Variants in RNLS observed in about 807,000 individuals in gnomAD.
RNLS encodes the protein renalase, FAD dependent amine oxidase, also known as renalase.
Under a neutral mutation model 39.8 loss-of-function variants are expected in RNLS, and 39 were observed. The observed-to-expected ratio is 0.98, with a 90% CI of 0.76 to 1.28. The LOEUF (loss-of-function observed/expected upper bound fraction) is 1.28. Among genes scored for constraint, RNLS ranks in the 50% most tolerant of loss-of-function variants. RNLS has a pLI of 0.00. For missense variants in RNLS, 410 were observed against 413.3 expected, an observed-to-expected ratio of 0.99 and a Z score of 0.07; for synonymous variants, 147 against 150.7, an observed-to-expected ratio of 0.98 and a Z score of 0.18.
At chr10:88,371,837 G>T (rs1000128225) in intron 4 of RNLS, among the ~76,000 whole-genome samples, 3 of 152,020 alleles carry the variant, frequency 2.0e-5, no homozygotes, top group Non-Finnish European at 2.9e-5. Flanking sequence ...GGTAAATTCC[G>T]CCTAGTTATG....
At chr10:88,495,897 G>A (rs1488810536) in intron 4 of RNLS, among the ~76,000 whole-genome samples, 1 of 152,112 alleles carries the variant, frequency 6.6e-6, no homozygotes, top group East Asian at 1.9e-4. Context: ...TCGGCTTCAA[G>A]TGGGAATTTT....
chr10:88,268,226 T>C, the RNLS span, among the ~76,000 whole-genome samples: 2 of 152,182 alleles, frequency 1.3e-5, no homozygotes, highest in East Asian at 1.9e-4. Context: ...GGGTGGACTA[T>C]CTTGTGTTAG....
chr10:88,366,297 C>T (rs550921297), intron 4 of RNLS, among the ~76,000 whole-genome samples: 23 of 151,962 alleles, frequency 1.5e-4, no homozygotes, highest in Non-Finnish European at 2.6e-4. Context: ...ACATGGCATG[C>T]CTTCTGTCTT....
chr10:88,502,676 G>A (rs1845573448), intron 4 of RNLS, among the ~76,000 whole-genome samples: 1 of 152,112 alleles, frequency 6.6e-6, no homozygotes, highest in Non-Finnish European at 1.5e-5. Flanking sequence ...ATTGGGCACT[G>A]GGACATTTTA....
the RNLS span, among the ~76,000 whole-genome samples, chr10:88,268,835 T>C: frequency 2.0e-5 from 3 of 152,222 alleles, no homozygotes; most frequent in Non-Finnish European, 4.4e-5. Flanking sequence ...ACAGAATGAA[T>C]TTATTTCAAG....
intron 3 of RNLS, among the ~76,000 whole-genome samples, chr10:88,575,159 T>TATATATATATATAC (rs1386414416): frequency 2.3e-5 from 1 of 43,388 alleles, no homozygotes; most frequent in Admixed American, 3.2e-4. Context: ...TATATATATA[T>TATATATATATATAC]ACACACACAC....
At chr10:88,247,197 T>C in the RNLS span, among the ~76,000 whole-genome samples, 1 of 152,172 alleles carries the variant, frequency 6.6e-6, no homozygotes, top group South Asian at 2.1e-4. Context: ...CAGGGCATTT[T>C]ATTCTGAGAA....
chr10:88,553,736 A>G (rs898741438), intron 4 of RNLS, among the ~76,000 whole-genome samples: 1 of 152,164 alleles, frequency 6.6e-6, no homozygotes, highest in African/African-American at 2.4e-5. Flanking sequence ...ATTGTACCAC[A>G]TAGAAGCCTG....
At position 88,454,231 on chromosome 10, in the gene RNLS, T is replaced by G. The variant is rs946992096; in HGVS notation, c.527-91506A>C. On this transcript the variant is annotated intron_variant, in intron 4 of 6. Transcript: ENST00000331772. Reference sequence around the variant, plus strand: ...GAAAGATGTATTCAACAGAGTCAAATAACAAATTGAGTATCAAATAAAACA... The same window carrying G: ...GAAAGATGTATTCAACAGAGTCAAAGAACAAATTGAGTATCAAATAAAACA... 9.9e-5 allele frequency among the ~76,000 whole-genome samples: 15 copies of G among 152,176 alleles called. 1 individual carries two copies. Among genetic ancestry groups the G allele is most frequent in the Non-Finnish European group, 1.8e-4 (12 of 68,040 alleles).
At chr10:88,508,841 T>A in intron 4 of RNLS, among the ~76,000 whole-genome samples, 1 of 152,124 alleles carries the variant, frequency 6.6e-6, no homozygotes, top group East Asian at 1.9e-4. Context: ...GCACCAATAA[T>A]GTCAAATATT....
chr10:88,501,048 C>T (rs967183116), intron 4 of RNLS, among the ~76,000 whole-genome samples: 5 of 150,758 alleles, frequency 3.3e-5, no homozygotes, highest in African/African-American at 1.2e-4. Flanking sequence ...TATATATGTA[C>T]ACTAAACACC....
intron 4 of RNLS, among the ~76,000 whole-genome samples, chr10:88,538,825 T>C (rs561298091): frequency 2.0e-5 from 3 of 152,052 alleles, no homozygotes; most frequent in Non-Finnish European, 4.4e-5. Flanking sequence ...AGTTATAACA[T>C]CTACTTGATG....
the RNLS span, among the ~76,000 whole-genome samples, chr10:88,176,745 C>T: frequency 1.3e-5 from 2 of 151,690 alleles, no homozygotes; most frequent in Non-Finnish European, 2.9e-5. Context: ...AGATATTGTT[C>T]TTTTGCTTCC....
At chr10:88,513,438 GA>G (rs1846248101) in intron 4 of RNLS, among the ~76,000 whole-genome samples, 1 of 152,020 alleles carries the variant, frequency 6.6e-6, no homozygotes, top group South Asian at 2.1e-4. Context: ...CACAAAAGTT[GA>G]AATAATTTTA....
At chr10:88,445,423 C>A (rs1050114372) in intron 4 of RNLS, among the ~76,000 whole-genome samples, 16 of 152,154 alleles carry the variant, frequency 1.1e-4, no homozygotes, top group African/African-American at 3.9e-4. Context: ...AGCAAAATAA[C>A]CAGCTCACAT....
intron 5 of RNLS, among the ~76,000 whole-genome samples, chr10:88,317,170 T>A (rs961629999): frequency 3.9e-5 from 6 of 152,216 alleles, no homozygotes; most frequent in African/African-American, 1.2e-4. Flanking sequence ...TTTCTCTACT[T>A]TGGGAAATCA....
chr10:88,298,756 A>G (rs1844281035), intron 6 of RNLS, among the ~76,000 whole-genome samples: 1 of 152,106 alleles, frequency 6.6e-6, no homozygotes, highest in African/African-American at 2.4e-5. Context: ...TTGAAAAGAG[A>G]ACGTGTGAGT....
At chr10:88,539,115 G>A (rs1344032175) in intron 4 of RNLS, among the ~76,000 whole-genome samples, 2 of 152,056 alleles carry the variant, frequency 1.3e-5, no homozygotes, top group African/African-American at 2.4e-5. Flanking sequence ...AAATTAATCC[G>A]CAAATTCAGG....
intron 4 of RNLS, among the ~76,000 whole-genome samples, chr10:88,457,583 G>A (rs770040189): frequency 1.3e-5 from 2 of 152,086 alleles, no homozygotes; most frequent in Non-Finnish European, 2.9e-5. Flanking sequence ...ACTGTCTCTG[G>A]TGTGAGGTAC....
Sources: gnomAD v4.1 joint callset for allele counts (sites outside exome capture counted in the v4.1 genomes callset) on GRCh38, gnomAD v4.1.1 for gene constraint, MANE v1.5 for transcripts, NCBI Gene and HGNC (gene_info 2026-07-23, HGNC 2026-07-21) for gene names.